Variants in CCNY observed in about 807,000 individuals in gnomAD.
CCNY encodes cyclin Y, also known as cyclin-Y.
A neutral mutation model predicts 42.8 loss-of-function variants in CCNY; 19 were observed. The ratio of observed to expected loss-of-function variants is 0.44; its 90% CI spans 0.31 to 0.65. The LOEUF (loss-of-function observed/expected upper bound fraction) is 0.65. CCNY is among the 30% of genes least tolerant of loss of function. The pLI, the probability that CCNY is intolerant of heterozygous loss-of-function variation, is 0.07. For synonymous variants in CCNY, 165 were observed against 162.7 expected, an observed-to-expected ratio of 1.01 and a Z score of -0.11; for missense variants, 370 against 437.3, an observed-to-expected ratio of 0.85 and a Z score of 1.37.
intron 1 of CCNY, among the ~76,000 whole-genome samples, chr10:35,420,649 A>G (rs889049643): frequency 3.9e-5 from 6 of 152,210 alleles, no homozygotes; most frequent in Non-Finnish European, 7.3e-5. Flanking sequence ...ATCTCACACC[A>G]GAATCTCACT....
At chr10:35,290,645 CCAT>C (rs2135062637) in intron 3 of CCNY, among the ~76,000 whole-genome samples, 1 of 152,132 alleles carries the variant, frequency 6.6e-6, no homozygotes, top group East Asian at 1.9e-4. Context: ...AGTTGTCCCA[CCAT>C]CATCACATAC....
chr10:35,495,172 T>A (rs1046392398), intron 2 of CCNY, among the ~76,000 whole-genome samples: 8 of 152,258 alleles, frequency 5.3e-5, no homozygotes, highest in African/African-American at 1.7e-4. Context: ...ATGTTTTATG[T>A]ATCTCTGTGT....
chr10:35,440,528 C>G (rs760348441), intron 1 of CCNY, among the ~76,000 whole-genome samples: 1 of 152,206 alleles, frequency 6.6e-6, no homozygotes, highest in Non-Finnish European at 1.5e-5. Context: ...CCTCCAGACC[C>G]TTGCTTCCCA....
At chr10:35,384,768 C>T (rs1589079828) in intron 1 of CCNY, among the ~76,000 whole-genome samples, 1 of 152,164 alleles carries the variant, frequency 6.6e-6, no homozygotes, top group East Asian at 1.9e-4. Context: ...CCCTGGGACC[C>T]TTTCAGTTTA....
chr10:35,479,490 G>C (rs1446135341), intron 1 of CCNY, among the ~76,000 whole-genome samples: 1 of 140,012 alleles, frequency 7.1e-6, no homozygotes, highest in African/African-American at 2.7e-5. Flanking sequence ...ATCATTCTCA[G>C]TAAACTATCG....
chr10:35,361,710 A>G (rs1048331694), intron 1 of CCNY, among the ~76,000 whole-genome samples: 5 of 152,254 alleles, frequency 3.3e-5, no homozygotes, highest in African/African-American at 1.2e-4. Flanking sequence ...ACTGAGAACC[A>G]TATTACATTA....
chr10:35,465,858 C>G (rs1223316264), intron 1 of CCNY, among the ~76,000 whole-genome samples: 1 of 150,028 alleles, frequency 6.7e-6, no homozygotes, highest in Non-Finnish European at 1.5e-5. Flanking sequence ...TATGTGTGAT[C>G]CTTACTGCAT....
intron 4 of CCNY, among the ~76,000 whole-genome samples, chr10:35,523,435 G>T (rs140408100): frequency 3.3e-5 from 5 of 152,210 alleles, no homozygotes; most frequent in Admixed American, 3.3e-4. Context: ...GTTGTCAGCT[G>T]ATGGCCTCTT....
intron 9 of CCNY, among the ~76,000 whole-genome samples, chr10:35,567,672 CT>C (rs1841599858): frequency 6.6e-6 from 1 of 152,144 alleles, no homozygotes; most frequent in South Asian, 2.1e-4. Flanking sequence ...GAGAAGAAAC[CT>C]GTTATGGATT....
rs573539876 is a variant in CCNY at position 35,508,822 on chromosome 10, A to G, written c.264+7287A>G. Among the ~76,000 whole-genome samples the G allele has an allele frequency of 2.0e-5, 3 of 152,312 alleles. No individual in the cohort carries two copies. In the East Asian group the frequency reaches 5.8e-4, roughly 29 times the overall value. ...CAGTTCAGTGGTTTTTAGTGTAACC[A>G]CAGAGGTGTGCAACTGTCATCACAG... On this transcript the variant is annotated intron_variant, in intron 3 of 9. Transcript: ENST00000374704.
chr10:35,305,200 G>A (rs760549323), intron 3 of CCNY, among the ~76,000 whole-genome samples: 4 of 152,124 alleles, frequency 2.6e-5, no homozygotes, highest in African/African-American at 4.8e-5. Flanking sequence ...AAAAGTAAGC[G>A]TGCTTTTTAA....
intron 1 of CCNY, among the ~76,000 whole-genome samples, chr10:35,473,641 G>A (rs78439216): frequency 0.021 from 3,221 of 152,314 alleles, 48 homozygotes; most frequent in Non-Finnish European, 0.03. Flanking sequence ...TAAACTGTTA[G>A]AGCTGACTTC....
At chr10:35,274,856 G>A (rs547038012) in intron 3 of CCNY, among the ~76,000 whole-genome samples, 5 of 151,930 alleles carry the variant, frequency 3.3e-5, no homozygotes, top group Non-Finnish European at 7.4e-5. Context: ...GCTGCCACAC[G>A]GGCACAGCAG....
At chr10:35,416,159 C>CTGTGTGTGTG (rs1564402655) in intron 1 of CCNY, among the ~76,000 whole-genome samples, 11 of 119,890 alleles carry the variant, frequency 9.2e-5, no homozygotes, top group African/African-American at 4.0e-4. Flanking sequence ...CTTGTGGCAC[C>CTGTGTGTGTG]CGTGTGTGTG....
Position 35,553,008 on chromosome 10 carries a change from TGTCTTCCCA to T in CCNY, c.580-9_580-1del. The T allele has an allele frequency of 6.2e-7, 1 of 1,612,070 alleles. No individual in the cohort carries two copies. Among genetic ancestry groups the T allele is most frequent in the Non-Finnish European group, 8.5e-7 (1 of 1,178,208 alleles). On this transcript the variant is annotated splice_acceptor_variant and splice_polypyrimidine_tract_variant and intron_variant, in intron 7 of 9. Transcript: ENST00000374704. LOFTEE classifies it high-confidence loss of function. The stretch of plus-strand genomic sequence containing the variant: ...AAATCACTTAGCTCTGGCATTGTCT[TGTCTTCCCA>T]GGTGTACCTTGAAAGACTTTTAACA...
intron 1 of CCNY, among the ~76,000 whole-genome samples, chr10:35,410,233 T>C (rs1837873993): frequency 6.6e-6 from 1 of 151,564 alleles, no homozygotes; most frequent in Non-Finnish European, 1.5e-5. Flanking sequence ...AGAGGAAAAA[T>C]AGTTTTACGT....
At chr10:35,466,164 T>C (rs1268692160) in intron 1 of CCNY, among the ~76,000 whole-genome samples, 1 of 151,968 alleles carries the variant, frequency 6.6e-6, no homozygotes, top group Non-Finnish European at 1.5e-5. Context: ...CCAGTGGTTA[T>C]AGGGATATAA....
rs371853059 is a variant in CCNY at position 35,326,621 on chromosome 10, GGGTGT to G, written c.-9+76000_-9+76004del. On this transcript the variant is annotated intron_variant, in intron 3 of 11. Transcript: ENST00000374706. ...GGATCAGAACCATTGCTTCTAGGCC[GGGTGT>G]GGTGGCTCACACGTGTAATCCCAGT... Among the ~76,000 whole-genome samples, 61 of 152,198 alleles carry G rather than the reference GGGTGT, an allele frequency of 4.0e-4. No individual in the cohort carries two copies. The East Asian group carries it at 9.5e-3, about 24-fold the overall frequency.
At chr10:35,564,622 C>T (rs1325351125) in intron 8 of CCNY, among the ~76,000 whole-genome samples, 1 of 152,150 alleles carries the variant, frequency 6.6e-6, no homozygotes, top group Non-Finnish European at 1.5e-5. Context: ...CTTAGAATGC[C>T]GAGGCTGGGA....
Sources: gnomAD v4.1 joint callset for allele counts (sites outside exome capture counted in the v4.1 genomes callset) on GRCh38, gnomAD v4.1.1 for gene constraint, MANE v1.5 for transcripts, NCBI Gene and HGNC (gene_info 2026-07-23, HGNC 2026-07-21) for gene names.